The following CMSS1 variants were observed in gnomAD, a reference collection of about 807,000 sequenced individuals.
The protein encoded by CMSS1 is protein CMSS1.
CMSS1 carries 33 observed loss-of-function variants against 43.5 expected under a neutral mutation model. The observed-to-expected ratio is 0.76, with a 90% confidence interval of 0.57 to 1.01. The LOEUF is 1.01. Among genes scored for constraint, CMSS1 ranks in the 50% least tolerant of loss-of-function variants. The pLI is 0.00. For synonymous variants in CMSS1, 115 were observed against 117.2 expected, an observed-to-expected ratio of 0.98 and a Z score of 0.12; for missense variants, 313 against 326.4, an observed-to-expected ratio of 0.96 and a Z score of 0.32.
chr3:100,079,276 C>A (rs762303831), intron 1 of CMSS1, among the ~76,000 whole-genome samples: 2 of 152,056 alleles, frequency 1.3e-5, no homozygotes, highest in Non-Finnish European at 2.9e-5. Context: ...TTCTGTTGGT[C>A]GAAGTATTCA....
intron 1 of CMSS1, among the ~76,000 whole-genome samples, chr3:100,070,251 G>A (rs1158235697): frequency 1.3e-5 from 2 of 152,104 alleles, no homozygotes; most frequent in Non-Finnish European, 2.9e-5. Flanking sequence ...TTTGTGGGGA[G>A]GTCAGTTGTT....
intron 1 of CMSS1, among the ~76,000 whole-genome samples, chr3:100,089,320 C>T (rs1215926415): frequency 6.6e-6 from 1 of 152,150 alleles, no homozygotes; most frequent in East Asian, 1.9e-4. Flanking sequence ...TATTACTACA[C>T]GCATATCCAC....
intron 1 of CMSS1, among the ~76,000 whole-genome samples, chr3:99,985,142 T>C (rs1559714517): frequency 1.3e-5 from 2 of 152,062 alleles, no homozygotes; most frequent in South Asian, 4.2e-4. Flanking sequence ...TTAATTGGAG[T>C]AAAGAGAAGA....
rs566351269 is a variant in CMSS1 at position 99,848,105 on chromosome 3, C to T, written c.64+30062C>T. ...AAAAGATATACAGTAAGTGCACACT[C>T]GATATGACTATGCAGGCAACAGTTA... On this transcript the variant is annotated intron_variant, in intron 1 of 9. Coordinates refer to ENST00000421999, the MANE Select transcript of CMSS1 (RefSeq NM_032359.4). 844 of 1,440,792 alleles carry T rather than the reference C, an allele frequency of 5.9e-4. 11 individuals are homozygous for T. In the South Asian group the frequency reaches 0.012, roughly 21 times the overall value. 89.3% of individuals were successfully genotyped at this position (1,440,792 alleles called of 1,614,324 possible). A position where few individuals can be genotyped will look rare whatever the true frequency, so the allele number is the denominator to read the frequency against.
rs562663468 is a variant in CMSS1, at chr3:99,874,527, A to G, written c.64+56484A>G. On this transcript the variant is annotated intron_variant, in intron 1 of 9. Coordinates refer to ENST00000421999, the MANE Select transcript of CMSS1 (RefSeq NM_032359.4). ...TAGTTTGTGGAAAATCCTACTTCTC[A>G]GTACTAACCTGCAGTTTATATAGCC... 3 of 152,224 alleles carry G rather than the reference A, an allele frequency of 2.0e-5. No individual in the cohort carries two copies. In the South Asian group the frequency reaches 6.2e-4, roughly 32 times the overall value. The allele number at this position is 152,224 out of a possible 1,614,324, so 9.4% of individuals were successfully genotyped here.
rs770929066 is a variant in CMSS1 at position 100,176,353 on chromosome 3, T to C, written c.694T>C (p.Phe232Leu). ...QGGLNLSPLK[F>L]LVFDWNWRDQ... ...TGGCCTTAATTTGAGCCCCTTAAAA[T>C]TTCTGGTTTTTGACTGGAACTGGAG... Residue 232 changes from phenylalanine to leucine, a missense_variant, in exon 9 of 10, where the codon TTT (phenylalanine) becomes CTT (leucine). By Grantham distance (22) the Phe-to-Leu change is conservative. Transcript: ENST00000421999. 9.3e-6 allele frequency: 15 copies of C among 1,613,590 alleles called. No individual in the cohort carries two copies. The highest frequency in any genetic ancestry group is 8.9e-5 in the East Asian group (4 of 44,884).
Position 99,922,797 on chromosome 3 carries a change from C to T in CMSS1, c.64+104754C>T, listed in dbSNP as rs540938560. On this transcript the variant is annotated intron_variant, in intron 1 of 9. Coordinates refer to ENST00000421999, the MANE Select transcript of CMSS1 (RefSeq NM_032359.4). ...CTACATATGGTTAGAAAATATTTAC[C>T]AACCAAACTCTCCTTTTTTGCAGCC... Among the ~76,000 whole-genome samples, 71 of 152,230 alleles carry T rather than the reference C, an allele frequency of 4.7e-4. 1 individual carries two copies. The highest frequency in any genetic ancestry group is 2.1e-3 in the South Asian group (10 of 4,818).
At chr3:99,892,814 C>T (rs1045797918) in intron 1 of CMSS1, among the ~76,000 whole-genome samples, 1 of 152,212 alleles carries the variant, frequency 6.6e-6, no homozygotes, top group Non-Finnish European at 1.5e-5. Flanking sequence ...ATAAATCAAT[C>T]AGATTTTATC....
At chr3:100,128,189 G>A (rs928004036) in intron 1 of CMSS1, among the ~76,000 whole-genome samples, 2 of 152,180 alleles carry the variant, frequency 1.3e-5, no homozygotes, top group Admixed American at 1.3e-4. Context: ...GTTCTGGAAC[G>A]TTCTTTTCCT....
At chr3:99,832,934 G>C (rs1942744684) in intron 1 of CMSS1, among the ~76,000 whole-genome samples, 1 of 146,944 alleles carries the variant, frequency 6.8e-6, no homozygotes, top group Admixed American at 6.9e-5. Flanking sequence ...ATTAAAATGT[G>C]TCATCTCTTG....
intron 1 of CMSS1, among the ~76,000 whole-genome samples, chr3:100,054,648 G>A (rs957702081): frequency 6.6e-6 from 1 of 152,076 alleles, no homozygotes; most frequent in Non-Finnish European, 1.5e-5. Context: ...GTGGCTCAAA[G>A]AAACCATGCT....
At chr3:100,056,092 C>T (rs533841650) in intron 1 of CMSS1, among the ~76,000 whole-genome samples, 2 of 152,196 alleles carry the variant, frequency 1.3e-5, no homozygotes, top group East Asian at 3.9e-4. Context: ...CTATGGTATA[C>T]CAAGGTCTTA....
intron 3 of CMSS1, among the ~76,000 whole-genome samples, chr3:100,161,808 G>A (rs1050119280): frequency 4.6e-5 from 7 of 152,068 alleles, no homozygotes; most frequent in Non-Finnish European, 1.0e-4. Flanking sequence ...CCTGAGAATC[G>A]AGGGTGTTAA....
intron 1 of CMSS1, among the ~76,000 whole-genome samples, chr3:99,948,357 A>T (rs187711224): frequency 1.3e-3 from 201 of 152,126 alleles, no homozygotes; most frequent in African/African-American, 4.5e-3. Flanking sequence ...AAAATTTTTT[A>T]AAAATTAAGT....
intron 1 of CMSS1, among the ~76,000 whole-genome samples, chr3:100,143,574 G>A (rs928299488): frequency 2.0e-5 from 3 of 152,104 alleles, no homozygotes; most frequent in Non-Finnish European, 2.9e-5. Context: ...TTGCTTGATG[G>A]TGCCACTCAG....
At chr3:99,876,351 C>A (rs537191766) in intron 1 of CMSS1, 1 of 397,384 alleles carries the variant, frequency 2.5e-6, no homozygotes, top group South Asian at 1.0e-4. Context: ...GTGAACGGAC[C>A]GTGGTTCCCG....
At chr3:100,012,867 A>C (rs1251838747) in intron 1 of CMSS1, among the ~76,000 whole-genome samples, 1 of 148,494 alleles carries the variant, frequency 6.7e-6, no homozygotes. Flanking sequence ...TCCACCTCCC[A>C]GGCTCAAGCA....
At chr3:99,867,815 T>C (rs1944595619) in intron 1 of CMSS1, among the ~76,000 whole-genome samples, 1 of 152,180 alleles carries the variant, frequency 6.6e-6, no homozygotes, top group Non-Finnish European at 1.5e-5. Context: ...TTCAAAAGAA[T>C]GGAAAACCGT....
chr3:99,876,099 G>A (rs552498606), intron 1 of CMSS1: 4 of 986,448 alleles, frequency 4.1e-6, no homozygotes, highest in Non-Finnish European at 4.8e-6. Flanking sequence ...GGGCCGGGCG[G>A]GGGCCGGGCC....
Sources: gnomAD v4.1 joint callset for allele counts (sites outside exome capture counted in the v4.1 genomes callset) on GRCh38, gnomAD v4.1.1 for gene constraint, MANE v1.5 for transcripts, NCBI Gene and HGNC (gene_info 2026-07-23, HGNC 2026-07-21) for gene names.